Variants in SYNPO2 observed in about 807,000 individuals in gnomAD.
The protein encoded by SYNPO2 is synaptopodin 2.
Under a neutral mutation model 85.0 loss-of-function variants are expected in SYNPO2, and 56 were observed. The ratio of observed to expected loss-of-function variants is 0.66; its 90% CI spans 0.53 to 0.82. SYNPO2 has a LOEUF of 0.82. Ranked by LOEUF, SYNPO2 falls within the 40% of genes least tolerant of loss-of-function variation. SYNPO2 has a pLI of 0.00. For missense variants in SYNPO2, 1,575 were observed against 1,534.2 expected (o/e 1.03, Z -0.44); for synonymous variants, 602 against 591.1 (o/e 1.02, Z -0.27).
chr4:118,993,071 G>T (rs1201761090), intron 1 of SYNPO2, among the ~76,000 whole-genome samples: 5 of 152,152 alleles, frequency 3.3e-5, no homozygotes, highest in Admixed American at 3.3e-4. Context: ...GAGTAGATAT[G>T]CGAGTTAATG....
At position 118,937,950 on chromosome 4, in the gene SYNPO2, A is replaced by G. The variant is rs544585317; in HGVS notation, c.105+48809A>G. Among the ~76,000 whole-genome samples the G allele has an allele frequency of 2.6e-5, 4 of 152,294 alleles. 1 individual carries two copies. The highest frequency in any genetic ancestry group is 4.8e-5 in the African/African-American group (2 of 41,552). On this transcript the variant is annotated intron_variant, in intron 1 of 4. Coordinates refer to ENST00000307142, the MANE Select transcript of SYNPO2 (RefSeq NM_133477.3). Reference sequence around the variant, plus strand: ...ACTTAAATCATTTCTAGTTACTTATATTACCCAATGCAGTGTAAATGCTAT... The same window carrying G: ...ACTTAAATCATTTCTAGTTACTTATGTTACCCAATGCAGTGTAAATGCTAT...
chr4:118,869,623 T>C (rs565109932), intron 1 of SYNPO2, among the ~76,000 whole-genome samples: 15 of 152,256 alleles, frequency 9.9e-5, no homozygotes, highest in South Asian at 2.1e-4. Flanking sequence ...AAGAGATTCC[T>C]CTACTTGAAG....
At chr4:118,897,458 T>C (rs1204279651) in intron 1 of SYNPO2, among the ~76,000 whole-genome samples, 1 of 152,200 alleles carries the variant, frequency 6.6e-6, no homozygotes, top group African/African-American at 2.4e-5. Context: ...AGAATTTACC[T>C]TCTTGAATTT....
At chr4:118,955,854 C>T (rs1233660068) in intron 1 of SYNPO2, among the ~76,000 whole-genome samples, 4 of 152,032 alleles carry the variant, frequency 2.6e-5, no homozygotes, top group African/African-American at 7.2e-5. Flanking sequence ...ATTAGTCTGG[C>T]AACCGAGTGC....
At chr4:119,045,859 T>C (rs994120365) in intron 4 of SYNPO2, among the ~76,000 whole-genome samples, 3 of 152,214 alleles carry the variant, frequency 2.0e-5, no homozygotes, top group African/African-American at 7.2e-5. Context: ...TAGAGTGACA[T>C]ACTTCTTTTT....
At chr4:119,003,298 T>G (rs906697735) in intron 1 of SYNPO2, among the ~76,000 whole-genome samples, 1 of 151,984 alleles carries the variant, frequency 6.6e-6, no homozygotes, top group Non-Finnish European at 1.5e-5. Flanking sequence ...GCCAAACACA[T>G]AAAACCATCA....
chr4:119,037,538 A>T, intron 4 of SYNPO2: 1 of 994,272 alleles, frequency 1.0e-6, no homozygotes, highest in Non-Finnish European at 1.2e-6. Context: ...AATCAAGGCC[A>T]TGCAACAACC....
chr4:118,895,100 C>G (rs368190566), intron 1 of SYNPO2, among the ~76,000 whole-genome samples: 14 of 152,218 alleles, frequency 9.2e-5, no homozygotes, highest in Admixed American at 4.6e-4. Context: ...CTGCTTTCAA[C>G]ATGATAAAGA....
At chr4:119,000,881 T>A (rs888403724) in intron 1 of SYNPO2, among the ~76,000 whole-genome samples, 6 of 152,212 alleles carry the variant, frequency 3.9e-5, no homozygotes. Flanking sequence ...TCTCGCAACA[T>A]CTGCTGAGAC....
Position 119,026,752 on chromosome 4 carries a change from G to T in SYNPO2, c.383G>T (p.Cys128Phe). 6.2e-7 allele frequency: 1 copy of T among 1,614,206 alleles called. No individual in the cohort carries two copies. Among genetic ancestry groups the T allele is most frequent in the Non-Finnish European group, 8.5e-7 (1 of 1,180,040 alleles). ...LQIRPATKTQ[C>F]TEFFLAPVKT... ...ATTCGACCGGCCACAAAGACCCAGT[G>T]CACAGAATTCTTCCTCGCCCCTGTC... Residue 128 changes from cysteine to phenylalanine, a missense_variant, in exon 3 of 5, where the codon TGC becomes TTC. By Grantham distance (205) the Cys-to-Phe change is radical (BLOSUM62 -2). Transcript: ENST00000307142.
chr4:119,043,393 G>A (rs1444573744), intron 4 of SYNPO2: 13 of 152,112 alleles, frequency 8.5e-5, no homozygotes. Flanking sequence ...TAATATTTTT[G>A]TAAATTCATC....
chr4:118,885,525 T>G (rs1732183473), upstream of SYNPO2, among the ~76,000 whole-genome samples: 1 of 149,266 alleles, frequency 6.7e-6, no homozygotes, highest in Admixed American at 6.9e-5. Context: ...CAGGCTGGAG[T>G]GCAGTGGTAC....
intron 1 of SYNPO2, among the ~76,000 whole-genome samples, chr4:118,905,983 T>C (rs1224079279): frequency 6.6e-6 from 1 of 152,244 alleles, no homozygotes; most frequent in Non-Finnish European, 1.5e-5. Context: ...GTCACCCTGC[T>C]CTTTGAAAGT....
chr4:119,045,424 C>T (rs539458878), intron 4 of SYNPO2, among the ~76,000 whole-genome samples: 5 of 151,988 alleles, frequency 3.3e-5, no homozygotes, highest in South Asian at 2.1e-4. Flanking sequence ...GCTCTCTAGC[C>T]GGGGTGATAG....
Position 118,969,865 on chromosome 4 carries a change from C to G in SYNPO2, c.106-53565C>G, listed in dbSNP as rs374859016. Among the ~76,000 whole-genome samples the G allele has an allele frequency of 1.4e-4, 21 of 151,810 alleles. No homozygotes were observed. The East Asian group carries it at 2.5e-3, about 18-fold the overall frequency. ...AAATGATTTGAGATGAGAACCTGGC[C>G]TCTTTAAAAAGTAGACTGAAGTGTA... On this transcript the variant is annotated intron_variant, in intron 1 of 4. Transcript: ENST00000307142.
rs192037210 is a variant in SYNPO2, at chr4:118,880,545, C to A, written c.12+29605C>A. ...CAGTTGGATCACGAGGTCAGGAGTTCAAGACCAGCCTGGCCAAGATGGTGA... is the reference window on the plus strand; with the variant it reads ...CAGTTGGATCACGAGGTCAGGAGTTAAAGACCAGCCTGGCCAAGATGGTGA... On this transcript the variant is annotated intron_variant, in intron 1 of 4. Coordinates refer to the SYNPO2 transcript ENST00000610556. Among the ~76,000 whole-genome samples, 8 of 152,128 alleles carry A rather than the reference C, an allele frequency of 5.3e-5. No homozygotes were observed. In the East Asian group the frequency reaches 1.4e-3, roughly 26 times the overall value.
intron 1 of SYNPO2, among the ~76,000 whole-genome samples, chr4:118,877,837 C>T (rs1731956773): frequency 6.6e-6 from 1 of 152,150 alleles, no homozygotes; most frequent in Admixed American, 6.5e-5. Context: ...CCATTCAGCT[C>T]AGCAATTCCA....
At chr4:119,007,233 T>TATATATATATATAC (rs1737077650) in intron 1 of SYNPO2, among the ~76,000 whole-genome samples, 1 of 42,090 alleles carries the variant, frequency 2.4e-5, no homozygotes, top group African/African-American at 9.9e-5. Flanking sequence ...TATATATATA[T>TATATATATATATAC]ATATATATAT....
chr4:118,995,062 G>A (rs547994962), intron 1 of SYNPO2, among the ~76,000 whole-genome samples: 1 of 152,286 alleles, frequency 6.6e-6, no homozygotes, highest in African/African-American at 2.4e-5. Context: ...CTCCTTGAAT[G>A]TAAGAGCAAG....
Sources: allele counts gnomAD v4.1 joint callset (sites outside exome capture counted in the v4.1 genomes callset), GRCh38; gene constraint gnomAD v4.1.1; transcripts MANE v1.5; gene names NCBI Gene and HGNC (gene_info 2026-07-23, HGNC 2026-07-21).